RBFOX1: variants seen among roughly 807,000 people sequenced by gnomAD.
RBFOX1 encodes the protein RNA binding fox-1 homolog 1.
Under a neutral mutation model 57.7 loss-of-function variants are expected in RBFOX1, and 8 were observed. The observed-to-expected ratio is 0.14, with a 90% confidence interval of 0.08 to 0.25. The LOEUF is 0.25. Among genes scored for constraint, RBFOX1 ranks in the 10% least tolerant of loss-of-function variants. The probability of loss-of-function intolerance (pLI) is 1.00; values close to 1 mark genes in which losing one functional copy is unlikely to be tolerated. For missense variants in RBFOX1, 611 were observed against 548.5 expected (o/e 1.11, Z -1.14); for synonymous variants, 326 against 222.4 (o/e 1.47, Z -4.15).
At chr16:6,349,942 C>T (rs1361634102) in intron 2 of RBFOX1, among the ~76,000 whole-genome samples, 4 of 152,278 alleles carry the variant, frequency 2.6e-5, no homozygotes, top group African/African-American at 7.2e-5. Context: ...GTGAGCTTAA[C>T]TGCTGGAGAT....
intron 4 of RBFOX1, among the ~76,000 whole-genome samples, chr16:5,916,279 G>A (rs1272970586): frequency 6.6e-6 from 1 of 152,068 alleles, no homozygotes; most frequent in Non-Finnish European, 1.5e-5. Context: ...CTAATTCTCG[G>A]ATTATTCTTA....
At chr16:5,678,643 G>A (rs1258976624) in intron 3 of RBFOX1, among the ~76,000 whole-genome samples, 5 of 152,104 alleles carry the variant, frequency 3.3e-5, no homozygotes, top group Non-Finnish European at 7.4e-5. Flanking sequence ...ATGCGGCGTA[G>A]GCAAGTGAGA....
chr16:6,841,674 C>G (rs917672546), intron 3 of RBFOX1, among the ~76,000 whole-genome samples: 1 of 151,984 alleles, frequency 6.6e-6, no homozygotes, highest in Non-Finnish European at 1.5e-5. Flanking sequence ...GTGCTTTAGC[C>G]CTCTGTGGAA....
intron 2 of RBFOX1, among the ~76,000 whole-genome samples, chr16:5,582,650 A>G (rs2046709792): frequency 6.7e-6 from 1 of 149,572 alleles, no homozygotes; most frequent in South Asian, 2.1e-4. Context: ...TCCTGTGTTC[A>G]AATGATTTTC....
In RBFOX1 at chr16:6,133,085, G is replaced by A. The variant is rs112392545; in HGVS notation, c.-127+113093G>A. ...CTGCCTCAAAGGATGCAAGTTATTCGTCTCCATGTCATTTTAAAAATGTCT... is the reference window on the plus strand; with the variant it reads ...CTGCCTCAAAGGATGCAAGTTATTCATCTCCATGTCATTTTAAAAATGTCT... On this transcript the variant is annotated intron_variant, in intron 1 of 15. Coordinates refer to ENST00000550418, the MANE Select transcript of RBFOX1 (RefSeq NM_018723.4). 2.0e-3 allele frequency among the ~76,000 whole-genome samples: 299 copies of A among 149,130 alleles called. 2 individuals carry two copies. The South Asian group carries it at 0.025, about 12-fold the overall frequency.
At chr16:5,345,864 G>A (rs924949200) in intron 1 of RBFOX1, among the ~76,000 whole-genome samples, 12 of 152,134 alleles carry the variant, frequency 7.9e-5, no homozygotes, top group Non-Finnish European at 1.5e-4. Context: ...TTAGTGGGCT[G>A]GTGAGGAGAT....
chr16:5,411,289 T>G (rs1178676369), intron 1 of RBFOX1, among the ~76,000 whole-genome samples: 2 of 152,204 alleles, frequency 1.3e-5, no homozygotes, highest in African/African-American at 4.8e-5. Flanking sequence ...CTGGATTACC[T>G]GGGTGAGTGC....
intron 1 of RBFOX1, among the ~76,000 whole-genome samples, chr16:5,450,487 G>T (rs2068389220): frequency 6.6e-6 from 1 of 152,210 alleles, no homozygotes; most frequent in Non-Finnish European, 1.5e-5. Context: ...ACAACCAGGG[G>T]AGCTGCGTGT....
chr16:6,822,231 C>G lies in RBFOX1; in HGVS notation c.-16+167581C>G, dbSNP rs1266952212. Among the ~76,000 whole-genome samples the G allele has an allele frequency of 2.0e-5, 3 of 152,136 alleles. No homozygotes were observed. The East Asian group carries it at 5.8e-4, about 29-fold the overall frequency. On this transcript the variant is annotated intron_variant, in intron 3 of 15. Transcript: ENST00000550418. ...CAGTCAGTTTGAAATGCTGGTATGGCAGATTTCCCTTGAGTATCAATGCTC... is the reference window on the plus strand; with the variant it reads ...CAGTCAGTTTGAAATGCTGGTATGGGAGATTTCCCTTGAGTATCAATGCTC...
intron 5 of RBFOX1, among the ~76,000 whole-genome samples, chr16:7,537,718 A>G (rs2081872492): frequency 6.6e-6 from 1 of 152,146 alleles, no homozygotes. Flanking sequence ...GCTTGGGTCC[A>G]TCTCAGGAAT....
At chr16:5,678,987 T>C (rs904498174) in intron 3 of RBFOX1, among the ~76,000 whole-genome samples, 2 of 152,200 alleles carry the variant, frequency 1.3e-5, no homozygotes, top group African/African-American at 4.8e-5. Context: ...CAGAATTGGA[T>C]GGAAGGCTAA....
intron 4 of RBFOX1, among the ~76,000 whole-genome samples, chr16:7,253,940 G>C (rs1414756491): frequency 6.6e-6 from 1 of 152,176 alleles, no homozygotes; most frequent in East Asian, 1.9e-4. Flanking sequence ...CTTGTATCTA[G>C]AAAGGGGACT....
chr16:6,220,695 A>T (rs903087943), intron 1 of RBFOX1, among the ~76,000 whole-genome samples: 4 of 147,100 alleles, frequency 2.7e-5, no homozygotes, highest in Non-Finnish European at 6.0e-5. Flanking sequence ...TTTTTCATTA[A>T]AAAGTAAGAT....
intron 1 of RBFOX1, among the ~76,000 whole-genome samples, chr16:6,285,267 C>G (rs2076785417): frequency 6.6e-6 from 1 of 152,026 alleles, no homozygotes; most frequent in Admixed American, 6.5e-5. Context: ...GCATAAGCCT[C>G]CATGACAAAG....
chr16:6,563,644 G>C (rs184777502), intron 2 of RBFOX1, among the ~76,000 whole-genome samples: 1 of 152,022 alleles, frequency 6.6e-6, no homozygotes, highest in Admixed American at 6.6e-5. Context: ...AGGGGTTCAC[G>C]ACCGTTATCA....
chr16:7,632,435 C>A (rs1395198139), intron 11 of RBFOX1, among the ~76,000 whole-genome samples: 1 of 152,100 alleles, frequency 6.6e-6, no homozygotes, highest in Non-Finnish European at 1.5e-5. Context: ...TTGTGTATTC[C>A]TCTCAAAACC....
intron 1 of RBFOX1, among the ~76,000 whole-genome samples, chr16:5,263,463 A>G (rs573459021): frequency 2.0e-5 from 3 of 152,284 alleles, no homozygotes; most frequent in Admixed American, 1.3e-4. Flanking sequence ...GGGATAATCA[A>G]GGTTTTTCTT....
At chr16:5,657,662 CTTTCTTTCTTTTCT>C (rs140866208) in intron 3 of RBFOX1, among the ~76,000 whole-genome samples, 19,814 of 124,810 alleles carry the variant, frequency 0.16, 1,707 homozygotes, top group African/African-American at 0.18. Flanking sequence ...CTTTTCTTTT[CTTTCTTTCTTTTCT>C]TTTCTTTCTT....
intron 1 of RBFOX1, among the ~76,000 whole-genome samples, chr16:5,245,031 T>G (rs1596292382): frequency 6.6e-6 from 1 of 152,208 alleles, no homozygotes; most frequent in East Asian, 1.9e-4. Context: ...TAGGGAAATG[T>G]CTTCTCAATT....
Sources: allele counts gnomAD v4.1 joint callset (sites outside exome capture counted in the v4.1 genomes callset), GRCh38; gene constraint gnomAD v4.1.1; transcripts MANE v1.5; gene names NCBI Gene and HGNC (gene_info 2026-07-23, HGNC 2026-07-21).